The following ABCA12 variants were observed in gnomAD, a reference collection of about 807,000 sequenced individuals.
ABCA12 encodes the protein glucosylceramide transporter ABCA12.
Under a neutral mutation model 293.5 loss-of-function variants are expected in ABCA12, and 156 were observed. That is an observed-to-expected ratio of 0.53 (90% confidence interval 0.47 to 0.61). The LOEUF is 0.61. Ranked by LOEUF, ABCA12 falls within the 20% of genes least tolerant of loss-of-function variation. ABCA12 has a pLI of 0.00. For missense variants in ABCA12, 2,797 were observed against 3,090.2 expected, an observed-to-expected ratio of 0.91 and a Z score of 2.25; for synonymous variants, 1,063 against 1,108.0, an observed-to-expected ratio of 0.96 and a Z score of 0.81.
At chr2:215,049,578 C>T in intron 6 of ABCA12, 48 bp downstream of exon 6, 3 of 1,565,658 alleles carry the variant, frequency 1.9e-6, no homozygotes, top group Non-Finnish European at 2.6e-6. Flanking sequence ...ATAGATTTAC[C>T]CTTTAATTCA....
chr2:214,962,669 G>A (rs905645809), intron 39 of ABCA12: 1 of 152,152 alleles, frequency 6.6e-6, no homozygotes, highest in South Asian at 2.1e-4. Context: ...ATAATCGGAA[G>A]TAAAACACTC....
In ABCA12 at chr2:215,097,712, T is replaced by C. The variant is rs999464305; in HGVS notation, c.163+13885A>G. 6.6e-5 allele frequency among the ~76,000 whole-genome samples: 10 copies of C among 152,320 alleles called. No individual in the cohort carries two copies. The East Asian group carries it at 7.7e-4, about 12-fold the overall frequency. On this transcript the variant is annotated intron_variant, in intron 2 of 52. Coordinates refer to ENST00000272895, the MANE Select transcript of ABCA12 (RefSeq NM_173076.3). The stretch of plus-strand genomic sequence containing the variant: ...TGCACTAACATTGCAGAAAAACTGA[T>C]TGCTTATTGTTCTGGGAGTTTGGCT...
Position 214,956,688 on chromosome 2 carries a change from C to G in ABCA12, c.6208G>C (p.Val2070Leu), listed in dbSNP as rs145980660. The change falls in exon 42 of 53, where the codon GTA (valine) becomes CTA (leucine). Residue 2070 changes from valine to leucine, a missense_variant. By Grantham distance (32) the Val-to-Leu change is conservative. Coordinates refer to ENST00000272895, the MANE Select transcript of ABCA12 (RefSeq NM_173076.3). ...CCAAACAGGAGAAGTAGGAGAGATA[C>G]AGCGCCTAGGTTGTTTTCACTGTAG... ...AFYSENNLGAVSLLLLLFGYA... is the reference protein window; with the variant it reads ...AFYSENNLGALSLLLLLFGYA... 6.2e-7 allele frequency: 1 copy of G among 1,613,480 alleles called. No homozygotes were observed. The highest frequency in any genetic ancestry group is 2.2e-5 in the East Asian group (1 of 44,798).
chr2:214,996,196 C>T (rs1027592097), intron 23 of ABCA12, among the ~76,000 whole-genome samples: 5 of 152,054 alleles, frequency 3.3e-5, no homozygotes, highest in Admixed American at 1.3e-4. Flanking sequence ...AATGACTTTT[C>T]GTTATGCTTT....
intron 1 of ABCA12, among the ~76,000 whole-genome samples, chr2:215,136,642 C>A (rs1423424207): frequency 2.6e-5 from 4 of 152,156 alleles, no homozygotes; most frequent in Non-Finnish European, 5.9e-5. Flanking sequence ...CCCACAGTAT[C>A]TTCTCCTGAA....
chr2:215,095,268 C>A (rs771126037), intron 2 of ABCA12, among the ~76,000 whole-genome samples: 4 of 152,120 alleles, frequency 2.6e-5, no homozygotes, highest in Non-Finnish European at 5.9e-5. Flanking sequence ...ACCAACCAAG[C>A]AAGTAATTAC....
Position 214,990,956 on chromosome 2 carries a change from C to T in ABCA12, c.3370G>A (p.Val1124Ile). ...ATAATGATGAGGATCACGATGGTAA[C>T]CAGTAAAAATCCAACACTCTCTATA... is the stretch of plus-strand genomic sequence containing the variant. ...WLIESVGFLL[V>I]TIVILIIILK... Residue 1124 changes from valine to isoleucine, a missense_variant, in exon 24 of 53, where the codon GTT becomes ATT. By Grantham distance (29) the Val-to-Ile change is conservative. This residue lies in a region of ABCA12 where 2,130 missense variants were observed against 2,427.0 expected (regional missense o/e 0.88). Coordinates refer to ENST00000272895, the MANE Select transcript of ABCA12 (RefSeq NM_173076.3). 1.2e-6 allele frequency: 2 copies of T among 1,613,952 alleles called. No homozygotes were observed. Among genetic ancestry groups the T allele is most frequent in the Non-Finnish European group, 1.7e-6 (2 of 1,179,952 alleles).
chr2:215,064,329 G>A (rs763092712), intron 2 of ABCA12, 110 bp from the exon 3 acceptor site: 75 of 1,170,100 alleles, frequency 6.4e-5, no homozygotes, highest in South Asian at 2.2e-4. Context: ...ACCACTCTCC[G>A]GGTCCCCCAA....
At chr2:215,000,019 C>A (rs1273837815) in intron 22 of ABCA12, among the ~76,000 whole-genome samples, 1 of 152,248 alleles carries the variant, frequency 6.6e-6, no homozygotes. Context: ...AGCTTGAAAA[C>A]CATAATCTGC....
chr2:214,939,274 G>A (rs183021549), intron 50 of ABCA12, among the ~76,000 whole-genome samples: 9 of 152,242 alleles, frequency 5.9e-5, no homozygotes, highest in African/African-American at 1.9e-4. Flanking sequence ...GATGGTTGTA[G>A]ATGTGTGGCA....
In ABCA12 at chr2:215,009,110, G is replaced by A. The variant is rs140565585; in HGVS notation, c.2472+1221C>T. Reference sequence around the variant, plus strand: ...CAATGATAGATTGGATAGAGAAAATGTGGTACATGTGCACCATGGGATACC... The same window carrying A: ...CAATGATAGATTGGATAGAGAAAATATGGTACATGTGCACCATGGGATACC... On this transcript the variant is annotated intron_variant, in intron 18 of 52. Transcript: ENST00000272895. 7.6e-3 allele frequency among the ~76,000 whole-genome samples: 1,158 copies of A among 152,282 alleles called. 12 individuals are homozygous for A. The highest frequency in any genetic ancestry group is 0.022 in the Admixed American group (331 of 15,298).
intron 9 of ABCA12, 62 bp downstream of exon 9, chr2:215,031,759 A>C: frequency 6.3e-7 from 1 of 1,596,622 alleles, no homozygotes; most frequent in East Asian, 2.2e-5. Flanking sequence ...TATGTTTAGA[A>C]ATTGTTTTGA....
At chr2:214,988,184 C>T (rs1363254800) in intron 26 of ABCA12, among the ~76,000 whole-genome samples, 2 of 152,156 alleles carry the variant, frequency 1.3e-5, no homozygotes, top group African/African-American at 2.4e-5. Context: ...CATGTGTAGA[C>T]ATATTCATCT....
intron 2 of ABCA12, among the ~76,000 whole-genome samples, chr2:215,071,299 A>G (rs1384491431): frequency 6.6e-6 from 1 of 152,056 alleles, no homozygotes; most frequent in African/African-American, 2.4e-5. Context: ...AACATACATC[A>G]TTTCATACAA....
chr2:214,954,975 A>G (rs1204416237), intron 43 of ABCA12, among the ~76,000 whole-genome samples: 1 of 152,202 alleles, frequency 6.6e-6, no homozygotes, highest in African/African-American at 2.4e-5. Context: ...CACCTCTGTC[A>G]CCACATTCAA....
At chr2:215,111,054 G>T (rs1040585124) in intron 2 of ABCA12, among the ~76,000 whole-genome samples, 1 of 152,222 alleles carries the variant, frequency 6.6e-6, no homozygotes, top group Non-Finnish European at 1.5e-5. Context: ...GGAGTGTCGG[G>T]CATTCTGCCC....
intron 1 of ABCA12, among the ~76,000 whole-genome samples, chr2:215,120,230 A>C (rs1331471677): frequency 1.3e-5 from 2 of 152,134 alleles, no homozygotes; most frequent in Non-Finnish European, 2.9e-5. Flanking sequence ...TTGAGCGCTT[A>C]TGGACACACA....
Position 214,953,896 on chromosome 2 carries a change from G to GA in ABCA12, c.6604dup (p.Ser2202PhefsTer22). 6.2e-7 allele frequency: 1 copy of GA among 1,613,750 alleles called. No homozygotes were observed. Among genetic ancestry groups the GA allele is most frequent in the Non-Finnish European group, 8.5e-7 (1 of 1,179,902 alleles). On this transcript the variant is annotated frameshift_variant, in exon 44 of 53. Transcript: ENST00000272895. LOFTEE classifies it high-confidence loss of function. ...GGATTCGTTGATTAAGAGTCGCAAG[G>GA]AAAAAAACATGGTGCCCTGAGAAAC...
At chr2:215,102,429 T>A (rs774193045) in intron 2 of ABCA12, among the ~76,000 whole-genome samples, 2 of 152,024 alleles carry the variant, frequency 1.3e-5, no homozygotes, top group Admixed American at 6.6e-5. Flanking sequence ...TGAAACCCTG[T>A]CTCTACTAAA....
Sources: allele counts gnomAD v4.1 joint callset (sites outside exome capture counted in the v4.1 genomes callset), GRCh38; gene constraint gnomAD v4.1.1; regional missense constraint gnomAD v4.1.1; transcripts MANE v1.5; gene names NCBI Gene and HGNC (gene_info 2026-07-23, HGNC 2026-07-21).